The following COL4A4 variants were observed in gnomAD, a reference collection of about 807,000 sequenced individuals.
COL4A4 encodes the protein collagen type IV alpha 4 chain.
COL4A4 carries 105 observed loss-of-function variants against 192.9 expected under a neutral mutation model. The observed-to-expected ratio is 0.54, with a 90% CI of 0.46 to 0.64. The LOEUF is 0.64. Ranked by LOEUF, COL4A4 falls within the 30% of genes least tolerant of loss-of-function variation. The pLI, the probability that COL4A4 is intolerant of heterozygous loss-of-function variation, is 0.00. For missense variants in COL4A4, 1,967 were observed against 2,169.3 expected (o/e 0.91, Z 1.85); for synonymous variants, 762 against 769.9 (o/e 0.99, Z 0.17).
At chr2:227,156,599 T>G (rs1172503779) in intron 1 of COL4A4, among the ~76,000 whole-genome samples, 1 of 151,948 alleles carries the variant, frequency 6.6e-6, no homozygotes, top group Non-Finnish European at 1.5e-5. Context: ...GAAGGAGATA[T>G]ACAGAAGGAC....
the COL4A4 span, among the ~76,000 whole-genome samples, chr2:226,970,066 C>T: frequency 1.4e-5 from 2 of 147,510 alleles, no homozygotes; most frequent in African/African-American, 2.5e-5. Context: ...GCCCTCTCCC[C>T]CCGCATTCCT....
chr2:227,020,519 C>T (rs941189259), intron 44 of COL4A4, among the ~76,000 whole-genome samples: 3 of 152,174 alleles, frequency 2.0e-5, no homozygotes, highest in African/African-American at 7.2e-5. Context: ...CACCTAAGAA[C>T]GAGTCTGACT....
At chr2:227,063,757 T>A (rs1410785793) in intron 25 of COL4A4, among the ~76,000 whole-genome samples, 1 of 151,858 alleles carries the variant, frequency 6.6e-6, no homozygotes, top group Non-Finnish European at 1.5e-5. Context: ...GATACTAGTT[T>A]TTAAAAATTA....
Position 227,088,633 on chromosome 2 carries a change from G to A in COL4A4, c.1623+20C>T. ...CCATGTCTCTTTTAACTGGAAAGAT[G>A]ACTGGTAAGAGGTACTCACTGGTAG... On this transcript the variant is annotated intron_variant, in intron 22 of 47. Transcript: ENST00000396625. The A allele has an allele frequency of 6.2e-7, 1 of 1,613,690 alleles. No homozygotes were observed. Among genetic ancestry groups the A allele is most frequent in the Non-Finnish European group, 8.5e-7 (1 of 1,179,634 alleles).
intron 35 of COL4A4, 122 bp downstream of exon 35, chr2:227,047,353 A>G (rs1973102823): frequency 1.3e-6 from 1 of 752,744 alleles, no homozygotes; most frequent in Admixed American, 2.0e-5. Context: ...CGTTTTATCT[A>G]TACCTTAATG....
intron 41 of COL4A4, among the ~76,000 whole-genome samples, chr2:227,028,329 T>C (rs899496507): frequency 6.6e-6 from 1 of 152,164 alleles, no homozygotes; most frequent in Non-Finnish European, 1.5e-5. Context: ...GGAAAGAGCT[T>C]TCAATATCCG....
At chr2:227,155,776 G>A (rs984241148) in intron 1 of COL4A4, among the ~76,000 whole-genome samples, 24 of 152,218 alleles carry the variant, frequency 1.6e-4, no homozygotes, top group African/African-American at 5.8e-4. Flanking sequence ...TGCTATCTCT[G>A]TGCTCATGGT....
intron 44 of COL4A4, among the ~76,000 whole-genome samples, chr2:227,016,134 G>A (rs1297982779): frequency 6.6e-6 from 1 of 152,072 alleles, no homozygotes; most frequent in East Asian, 1.9e-4. Context: ...TCACATGGAG[G>A]AAGAGGTCAT....
intron 22 of COL4A4, among the ~76,000 whole-genome samples, chr2:227,087,949 A>G (rs1479142622): frequency 1.3e-5 from 2 of 152,046 alleles, no homozygotes; most frequent in Non-Finnish European, 2.9e-5. Context: ...TCACCACATG[A>G]CATACTGGAT....
chr2:227,045,389 ATT>A (rs758045663), intron 35 of COL4A4, among the ~76,000 whole-genome samples: 5 of 152,050 alleles, frequency 3.3e-5, no homozygotes, highest in Non-Finnish European at 7.4e-5. Context: ...TCACTTTGAT[ATT>A]TGTCATGAAC....
chr2:227,093,449 G>T (rs1240446249), intron 20 of COL4A4, among the ~76,000 whole-genome samples: 3 of 151,936 alleles, frequency 2.0e-5, no homozygotes, highest in Non-Finnish European at 4.4e-5. Flanking sequence ...TAAAACCTAA[G>T]ATTGGCCTTT....
intron 25 of COL4A4, among the ~76,000 whole-genome samples, chr2:227,073,593 C>A (rs2058843285): frequency 6.6e-6 from 1 of 151,888 alleles, no homozygotes; most frequent in Admixed American, 6.6e-5. Flanking sequence ...ACAAAGCAAT[C>A]CTAAGCAAAA....
At chr2:227,008,416 CCTCGCCAA>C in intron 46 of COL4A4, 112 bp from the exon 47 acceptor site, 1 of 1,243,062 alleles carries the variant, frequency 8.0e-7, no homozygotes, top group South Asian at 1.3e-5. Context: ...ATCTGGAGGC[CCTCGCCAA>C]AGCCTGCTTC....
Position 227,119,945 on chromosome 2 carries a change from A to C in COL4A4, c.328-6T>G. On this transcript the variant is annotated splice_region_variant and splice_polypyrimidine_tract_variant and intron_variant, in intron 5 of 47. Coordinates refer to ENST00000396625, the MANE Select transcript of COL4A4 (RefSeq NM_000092.5). ...CCAGGAACACCAGTTGGACCCTAAA[A>C]TCCCAGAAAATAAAACAAAGAGATA... 6.4e-7 allele frequency: 1 copy of C among 1,572,390 alleles called. No homozygotes were observed. Among genetic ancestry groups the C allele is most frequent in the East Asian group, 2.3e-5 (1 of 42,816 alleles).
At chr2:227,131,151 TTTTC>T (rs1034093260) in intron 4 of COL4A4, among the ~76,000 whole-genome samples, 7 of 151,166 alleles carry the variant, frequency 4.6e-5, no homozygotes, top group Non-Finnish European at 7.4e-5. Context: ...TTTTTTTTTT[TTTTC>T]TTTCTTTCTT....
At chr2:227,042,038 G>C (rs1289275307) in intron 37 of COL4A4, 110 bp downstream of exon 37, 4 of 785,342 alleles carry the variant, frequency 5.1e-6, no homozygotes, top group Non-Finnish European at 7.0e-6. Flanking sequence ...CTACGGAAAA[G>C]AGTGGTATAA....
At chr2:227,098,331 T>C (rs920380251) in intron 19 of COL4A4, among the ~76,000 whole-genome samples, 2 of 152,096 alleles carry the variant, frequency 1.3e-5, no homozygotes. Flanking sequence ...TGCGATAACT[T>C]TGTGGGAGGC....
chr2:227,081,861 A>G (rs1415184464), intron 23 of COL4A4, among the ~76,000 whole-genome samples: 1 of 152,218 alleles, frequency 6.6e-6, no homozygotes, highest in Non-Finnish European at 1.5e-5. Context: ...GGAGGGCTTG[A>G]GCCAAACTCA....
rs202096172 is a variant in COL4A4 at position 227,121,052 on chromosome 2, G to A, written c.289C>T (p.Arg97Cys). 48 of 1,613,930 alleles carry A rather than the reference G, an allele frequency of 3.0e-5. No individual in the cohort carries two copies. The highest frequency in any genetic ancestry group is 8.9e-5 in the East Asian group (4 of 44,888). ...LSGEKGMRGD[R>C]GPPGAAGDKG... ...TCCCCTGCTGCTCCAGGAGGGCCGC[G>A]GTCCCCTCTCATTCCTTTCTCTCCT... Residue 97 changes from arginine (R) to cysteine (C), a missense_variant, in exon 5 of 48, where the codon CGC becomes TGC. Transcript: ENST00000396625.
Sources: gnomAD v4.1 joint callset for allele counts (sites outside exome capture counted in the v4.1 genomes callset) on GRCh38, gnomAD v4.1.1 for gene constraint, MANE v1.5 for transcripts, NCBI Gene and HGNC (gene_info 2026-07-23, HGNC 2026-07-21) for gene names.